HSD11B1: variants seen among roughly 807,000 people sequenced by gnomAD.
HSD11B1 encodes 11-beta-hydroxysteroid dehydrogenase 1.
In HSD11B1, 15 loss-of-function variants were observed where a neutral mutation model predicts 22.1. That is an observed-to-expected ratio of 0.68 (90% confidence interval 0.45 to 1.04). The LOEUF is 1.04. Ranked by LOEUF, HSD11B1 falls within the 50% of genes least tolerant of loss-of-function variation. HSD11B1 has a pLI of 0.00. For synonymous variants in HSD11B1, 122 were observed against 125.2 expected (o/e 0.97, Z 0.17); for missense variants, 281 against 357.6 (o/e 0.79, Z 1.73).
chr1:209,707,700 A>G (rs2236902), intron 4 of HSD11B1, among the ~76,000 whole-genome samples: 5,969 of 152,088 alleles, frequency 0.039, 541 homozygotes, highest in East Asian at 0.29. Context: ...ATTGTTTTCT[A>G]CAAAGGAAGG....
chr1:209,715,606 T>G (rs573405180), intron 4 of HSD11B1, among the ~76,000 whole-genome samples: 2 of 152,264 alleles, frequency 1.3e-5, no homozygotes, highest in Admixed American at 6.5e-5. Context: ...TAGCCAAACC[T>G]AGAACCATTG....
chr1:209,686,585 C>G (rs539120096), intron 1 of HSD11B1, among the ~76,000 whole-genome samples: 2 of 152,064 alleles, frequency 1.3e-5, no homozygotes, highest in South Asian at 2.1e-4. Context: ...CAAGTTGGAA[C>G]AAAAAAGTTG....
At chr1:209,727,787 T>C (rs2077012743) in intron 4 of HSD11B1, among the ~76,000 whole-genome samples, 1 of 152,236 alleles carries the variant, frequency 6.6e-6, no homozygotes, top group Non-Finnish European at 1.5e-5. Context: ...CAGAGGTTAT[T>C]GTGTTTGCTC....
intron 4 of HSD11B1, among the ~76,000 whole-genome samples, chr1:209,710,837 T>C (rs1400357598): frequency 1.3e-5 from 2 of 152,244 alleles, no homozygotes; most frequent in Non-Finnish European, 2.9e-5. Context: ...CAGTTAACTA[T>C]TCACTTTTCT....
chr1:209,703,267 A>G (rs771038237), upstream of HSD11B1, among the ~76,000 whole-genome samples: 8 of 152,100 alleles, frequency 5.3e-5, no homozygotes, highest in Non-Finnish European at 1.0e-4. Flanking sequence ...ATTGTTTCCT[A>G]TAATTTTACT....
intron 1 of HSD11B1, among the ~76,000 whole-genome samples, chr1:209,695,873 C>T (rs1422498257): frequency 6.6e-6 from 1 of 152,142 alleles, no homozygotes; most frequent in African/African-American, 2.4e-5. Flanking sequence ...TGGGCATGTA[C>T]CCAAGAGAAA....
At chr1:209,713,409 CTTTTATA>C (rs2102380185) in intron 4 of HSD11B1, among the ~76,000 whole-genome samples, 1 of 152,206 alleles carries the variant, frequency 6.6e-6, no homozygotes, top group African/African-American at 2.4e-5. Context: ...GCATGTGTAA[CTTTTATA>C]ATCATAGAAA....
chr1:209,727,116 C>A (rs1358215115), intron 4 of HSD11B1, among the ~76,000 whole-genome samples: 1 of 152,094 alleles, frequency 6.6e-6, no homozygotes, highest in Admixed American at 6.6e-5. Flanking sequence ...TGACAAGTAA[C>A]CTTATATGAA....
At chr1:209,732,625 T>A (rs377195992) in intron 5 of HSD11B1, 46 bp downstream of exon 5, 5 of 1,515,512 alleles carry the variant, frequency 3.3e-6, no homozygotes, top group African/African-American at 1.4e-5. Flanking sequence ...ATACTTTAAG[T>A]TCTAGGGTAC....
At chr1:209,730,779 T>C (rs2077030633) in intron 4 of HSD11B1, among the ~76,000 whole-genome samples, 1 of 152,242 alleles carries the variant, frequency 6.6e-6, no homozygotes, top group Admixed American at 6.5e-5. Context: ...CAACATATTA[T>C]ATTTGAAACA....
chr1:209,722,637 C>A (rs1208110414), intron 4 of HSD11B1, among the ~76,000 whole-genome samples: 1 of 152,116 alleles, frequency 6.6e-6, no homozygotes, highest in Non-Finnish European at 1.5e-5. Context: ...AGAGTTTAGA[C>A]CATGAGGGTC....
At chr1:209,715,486 A>T (rs1160083600) in intron 4 of HSD11B1, among the ~76,000 whole-genome samples, 3 of 152,172 alleles carry the variant, frequency 2.0e-5, no homozygotes, top group African/African-American at 7.2e-5. Flanking sequence ...GTGGCAAGAA[A>T]GGTACAAGAT....
intron 1 of HSD11B1, among the ~76,000 whole-genome samples, chr1:209,698,163 TAGATTAGA>T (rs2076803670): frequency 3.2e-5 from 4 of 126,766 alleles, no homozygotes; most frequent in Admixed American, 8.6e-5. Context: ...ATAAGATAGA[TAGATTAGA>T]TAGATAGATA....
intron 4 of HSD11B1, 87 bp downstream of exon 4, chr1:209,707,215 T>G: frequency 8.7e-7 from 1 of 1,143,340 alleles, no homozygotes; most frequent in Non-Finnish European, 1.3e-6. Context: ...ACATAAATTT[T>G]TATCAGTTTC....
Position 209,706,152 on chromosome 1 carries a change from ATG to A in HSD11B1, c.219+223_219+224del, listed in dbSNP as rs897821747. 2.0e-5 allele frequency among the ~76,000 whole-genome samples: 3 copies of A among 152,112 alleles called. No homozygotes were observed. The highest frequency in any genetic ancestry group is 2.1e-4 in the South Asian group (1 of 4,824). On this transcript the variant is annotated intron_variant, in intron 2 of 5. Coordinates refer to ENST00000367027, the MANE Select transcript of HSD11B1 (RefSeq NM_005525.4). The surrounding 1 kb of genome is among the most constrained non-coding windows in gnomAD (Gnocchi z 4.0). ...AAAGTATGCATTTAAGCATTCATTCATGTGTGTGTGTGTAATATATTCTGCAA... is the reference window on the plus strand; with the variant it reads ...AAAGTATGCATTTAAGCATTCATTCATGTGTGTGTGTAATATATTCTGCAA...
At chr1:209,686,585 C>T (rs539120096) in intron 1 of HSD11B1, among the ~76,000 whole-genome samples, 2 of 152,182 alleles carry the variant, frequency 1.3e-5, no homozygotes, top group East Asian at 1.9e-4. Context: ...CAAGTTGGAA[C>T]AAAAAAGTTG....
chr1:209,693,184 G>T (rs768831603), intron 1 of HSD11B1, among the ~76,000 whole-genome samples: 17 of 152,126 alleles, frequency 1.1e-4, no homozygotes, highest in Non-Finnish European at 2.1e-4. Flanking sequence ...TGAGACTGTT[G>T]CCAAACCCTC....
chr1:209,695,096 G>C (rs1437300253), intron 1 of HSD11B1, among the ~76,000 whole-genome samples: 1 of 152,204 alleles, frequency 6.6e-6, no homozygotes, highest in Non-Finnish European at 1.5e-5. Flanking sequence ...GTGTTTGGCT[G>C]TTCCCCCCTT....
chr1:209,686,485 G>T (rs897305275), intron 1 of HSD11B1, among the ~76,000 whole-genome samples: 1 of 152,214 alleles, frequency 6.6e-6, no homozygotes, highest in African/African-American at 2.4e-5. Context: ...GCTTTCAAAT[G>T]TGTAGGAGGG....
Sources: allele counts gnomAD v4.1 joint callset (sites outside exome capture counted in the v4.1 genomes callset), GRCh38; gene constraint gnomAD v4.1.1; non-coding constraint Gnocchi (gnomAD v3.1); transcripts MANE v1.5; gene names NCBI Gene and HGNC (gene_info 2026-07-23, HGNC 2026-07-21).